UHRF1: variants seen among roughly 807,000 people sequenced by gnomAD.
UHRF1 encodes the protein E3 ubiquitin-protein ligase UHRF1.
A neutral mutation model predicts 96.5 loss-of-function variants in UHRF1; 9 were observed. The ratio of observed to expected loss-of-function variants is 0.09; its 90% CI spans 0.06 to 0.16. UHRF1 has a LOEUF of 0.16. Ranked by LOEUF, UHRF1 falls within the 10% of genes least tolerant of loss-of-function variation. The pLI, the probability that UHRF1 is intolerant of heterozygous loss-of-function variation, is 1.00. For synonymous variants in UHRF1, 455 were observed against 469.9 expected, an observed-to-expected ratio of 0.97 and a Z score of 0.41; for missense variants, 626 against 1,131.1, an observed-to-expected ratio of 0.55 and a Z score of 6.40.
At position 4,909,568 on chromosome 19, in the gene UHRF1, CG is replaced by C. The variant is rs2032164793; in HGVS notation, c.-94del. On this transcript the variant is annotated 5_prime_UTR_variant, in exon 1 of 17. Transcript: ENST00000650932. ...GCTCCGGGTCGCACGCAAGTCCGCG[CG>C]GGGTCCGGGCCACGCACGCGGTTTC... The C allele has an allele frequency of 3.0e-6, 2 of 657,098 alleles. No individual in the cohort carries two copies. The highest frequency in any genetic ancestry group is 5.5e-6 in the Non-Finnish European group (2 of 365,260). The allele number at this position is 657,098 out of a possible 1,614,324, so 40.7% of individuals were successfully genotyped here. A position where few individuals can be genotyped will look rare whatever the true frequency, so the allele number is the denominator to read the frequency against.
At chr19:4,958,346 A>G (rs899129271) in intron 16 of UHRF1, among the ~76,000 whole-genome samples, 1 of 152,184 alleles carries the variant, frequency 6.6e-6, no homozygotes, top group African/African-American at 2.4e-5. Flanking sequence ...ACTGTCCTGG[A>G]TGCCAGGTTG....
At chr19:4,925,343 C>T (rs191787073) in intron 2 of UHRF1, among the ~76,000 whole-genome samples, 2 of 152,282 alleles carry the variant, frequency 1.3e-5, no homozygotes, top group Admixed American at 1.3e-4. Context: ...CCCTTCCTGC[C>T]TCTGTGGCTT....
At chr19:4,929,116 C>G (rs1280038280) in intron 2 of UHRF1, 106 bp from the exon 3 acceptor site, 5 of 1,451,124 alleles carry the variant, frequency 3.4e-6, no homozygotes, top group Admixed American at 2.1e-5. Context: ...CAGATTGCCC[C>G]CCCCCCACAA....
At position 4,954,593 on chromosome 19, in the gene UHRF1, GTCTC is replaced by G; in HGVS notation, c.1958-54_1958-51del. 1.3e-6 allele frequency: 2 copies of G among 1,593,650 alleles called. No homozygotes were observed. The highest frequency in any genetic ancestry group is 1.4e-5 in the African/African-American group (1 of 73,858). On this transcript the variant is annotated intron_variant, in intron 14 of 16. Coordinates refer to ENST00000650932, the MANE Select transcript of UHRF1 (RefSeq NM_001048201.3). The surrounding 1 kb of genome is among the most constrained non-coding windows in gnomAD (Gnocchi z 5.9). ...CGTGTGGACGTGGGAGCCGGTGGCT[GTCTC>G]TCCGGCAGCTCGGGCCACGCGCCCC...
chr19:4,923,915 G>A (rs900164343), intron 2 of UHRF1, among the ~76,000 whole-genome samples: 7 of 152,196 alleles, frequency 4.6e-5, no homozygotes, highest in Non-Finnish European at 1.0e-4. Context: ...CCCTCTGAGC[G>A]CCGTGTGGCT....
chr19:4,932,668 C>G, intron 4 of UHRF1, 73 bp from the exon 5 acceptor site: 3 of 1,549,794 alleles, frequency 1.9e-6, no homozygotes, highest in Non-Finnish European at 2.6e-6. Context: ...GCCGTCCCAC[C>G]TCGGCTCGTT....
At position 4,910,872 on chromosome 19, in the gene UHRF1, T is replaced by G; in HGVS notation, c.-10-4T>G. ...ATGGGGGTTTTTGCTGTCCCTCCCCTCAGCGCCGACACCATGTGGATCCAG... is the reference window on the plus strand; with the variant it reads ...ATGGGGGTTTTTGCTGTCCCTCCCCGCAGCGCCGACACCATGTGGATCCAG... On this transcript the variant is annotated splice_region_variant and splice_polypyrimidine_tract_variant and intron_variant, in intron 1 of 16. Transcript: ENST00000650932. 1 of 1,601,550 alleles carries G rather than the reference T, an allele frequency of 6.2e-7. No individual in the cohort carries two copies. The highest frequency in any genetic ancestry group is 8.5e-7 in the Non-Finnish European group (1 of 1,172,090).
intron 13 of UHRF1, among the ~76,000 whole-genome samples, chr19:4,953,630 A>G (rs1412023865): frequency 6.6e-6 from 1 of 151,988 alleles, no homozygotes. Flanking sequence ...GGCTCGGCTA[A>G]TTTTTTAAAT....
At chr19:4,960,578 C>T in intron 16 of UHRF1, 79 bp from the exon 17 acceptor site, 3 of 1,558,252 alleles carry the variant, frequency 1.9e-6, no homozygotes, top group South Asian at 1.2e-5. Context: ...GAGACTGTCC[C>T]CACAGTCCTG....
rs1255165473 is a variant in UHRF1 at position 4,941,769 on chromosome 19, A to G, written c.911A>G (p.His304Arg). ...MRRKSGPSCK[H>R]CKDDVNRLCR... ...GGGAAGAGCGGGCCGTCCTGCAAGC[A>G]CTGCAAGGACGACGTGAACAGACTC... The change falls in exon 7 of 17, where the codon CAC (histidine) becomes CGC (arginine). Residue 304 changes from histidine (H) to arginine (R), a missense_variant. Coordinates refer to ENST00000650932, the MANE Select transcript of UHRF1 (RefSeq NM_001048201.3). 1.3e-6 allele frequency: 2 copies of G among 1,556,902 alleles called. No homozygotes were observed. Among genetic ancestry groups the G allele is most frequent in the South Asian group, 1.2e-5 (1 of 84,696 alleles).
intron 4 of UHRF1, among the ~76,000 whole-genome samples, chr19:4,932,142 C>G (rs942945103): frequency 7.2e-5 from 11 of 152,264 alleles, no homozygotes; most frequent in African/African-American, 2.6e-4. Context: ...TGGCTGGTCT[C>G]CAACTTCCGA....
chr19:4,937,313 T>TA (rs1555750757), intron 5 of UHRF1, among the ~76,000 whole-genome samples: 1 of 150,672 alleles, frequency 6.6e-6, no homozygotes, highest in African/African-American at 2.4e-5. Context: ...TTTTTTTTTT[T>TA]AACGACCCAT....
chr19:4,927,496 C>T (rs546594146), intron 2 of UHRF1, among the ~76,000 whole-genome samples: 11 of 152,134 alleles, frequency 7.2e-5, no homozygotes, highest in African/African-American at 2.7e-4. Context: ...CCTTGGCCTT[C>T]ACTGTGACCC....
At position 4,929,189 on chromosome 19, in the gene UHRF1, G is replaced by A. The variant is rs1042820675; in HGVS notation, c.154-33G>A. Reference sequence around the variant, plus strand: ...ACAGATGCCCACTTGGCATTTGGTGGCTAAACAGCGTCTGCCTCTGGTGTC... The same window carrying A: ...ACAGATGCCCACTTGGCATTTGGTGACTAAACAGCGTCTGCCTCTGGTGTC... On this transcript the variant is annotated intron_variant, in intron 2 of 16. Transcript: ENST00000650932. The A allele has an allele frequency of 5.7e-6, 9 of 1,591,568 alleles. No individual in the cohort carries two copies. The African/African-American group carries it at 1.2e-4, about 21-fold the overall frequency.
chr19:4,924,059 C>T (rs930831004), intron 2 of UHRF1, among the ~76,000 whole-genome samples: 2 of 152,250 alleles, frequency 1.3e-5, no homozygotes, highest in Admixed American at 1.3e-4. Context: ...CTCCACCTCC[C>T]AGGTTCAAAT....
intron 5 of UHRF1, among the ~76,000 whole-genome samples, chr19:4,938,816 T>C (rs1428799796): frequency 6.8e-6 from 1 of 147,130 alleles, no homozygotes; most frequent in Non-Finnish European, 1.5e-5. Flanking sequence ...AGCTCTCAGT[T>C]CACTGTAGCC....
At chr19:4,943,063 C>A (rs2033454229) in intron 7 of UHRF1, among the ~76,000 whole-genome samples, 1 of 151,900 alleles carries the variant, frequency 6.6e-6, no homozygotes, top group Non-Finnish European at 1.5e-5. Flanking sequence ...GATGGTGAAA[C>A]CCCGTCTCTA....
rs1033655591 is a variant in UHRF1, at chr19:4,921,167, C to T, written c.154-8055C>T. On this transcript the variant is annotated intron_variant, in intron 2 of 16. Transcript: ENST00000650932. ...AGAAAATCGGCCAGGATGCCGGGCACGGTGGCTCAGCCCTATAATTCCAGC... is the reference window on the plus strand; with the variant it reads ...AGAAAATCGGCCAGGATGCCGGGCATGGTGGCTCAGCCCTATAATTCCAGC... Among the ~76,000 whole-genome samples, 4 of 151,540 alleles carry T rather than the reference C, an allele frequency of 2.6e-5. No individual in the cohort carries two copies. In the East Asian group the frequency reaches 5.8e-4, roughly 22 times the overall value.
chr19:4,906,389 A>G (rs1324828172), upstream of UHRF1, among the ~76,000 whole-genome samples: 2 of 152,084 alleles, frequency 1.3e-5, no homozygotes, highest in East Asian at 1.9e-4. Context: ...AGGGCTAGAT[A>G]CCTCCTCTGT....
Sources: allele counts gnomAD v4.1 joint callset (sites outside exome capture counted in the v4.1 genomes callset), GRCh38; gene constraint gnomAD v4.1.1; non-coding constraint Gnocchi (gnomAD v3.1); transcripts MANE v1.5; gene names NCBI Gene and HGNC (gene_info 2026-07-23, HGNC 2026-07-21).